The following RCOR3 variants were observed in gnomAD, a reference collection of about 807,000 sequenced individuals.
RCOR3 encodes REST corepressor 3.
In RCOR3, 13 loss-of-function variants were observed where a neutral mutation model predicts 64.1. That is an observed-to-expected ratio of 0.20 (90% CI 0.13 to 0.32). The LOEUF (loss-of-function observed/expected upper bound fraction) is 0.32. Ranked by LOEUF, RCOR3 falls within the 10% of genes least tolerant of loss-of-function variation. The pLI is 1.00. For missense variants in RCOR3, 489 were observed against 701.2 expected, an observed-to-expected ratio of 0.70 and a Z score of 3.42; for synonymous variants, 215 against 239.0, an observed-to-expected ratio of 0.90 and a Z score of 0.93.
chr1:211,299,204 A>G (rs1249357798), intron 9 of RCOR3, among the ~76,000 whole-genome samples: 1 of 152,218 alleles, frequency 6.6e-6, no homozygotes, highest in Admixed American at 6.5e-5. Context: ...GTAAGTCGTC[A>G]ATGATAAAGG....
intron 7 of RCOR3, among the ~76,000 whole-genome samples, chr1:211,279,567 C>T (rs1278130868): frequency 6.6e-6 from 1 of 152,284 alleles, no homozygotes; most frequent in East Asian, 1.9e-4. Context: ...TGACCTCATT[C>T]AGTTTAGTGA....
intron 10 of RCOR3, among the ~76,000 whole-genome samples, chr1:211,307,844 T>A (rs1371147723): frequency 6.6e-6 from 1 of 151,660 alleles, no homozygotes; most frequent in East Asian, 1.9e-4. Context: ...ATTTTTTATA[T>A]TTAGTTATTT....
intron 2 of RCOR3, among the ~76,000 whole-genome samples, chr1:211,267,111 C>T (rs377296882): frequency 1.3e-5 from 2 of 152,150 alleles, no homozygotes; most frequent in South Asian, 4.1e-4. Context: ...TTAGGTAATG[C>T]TTACCATATG....
chr1:211,293,819 C>A (rs183973907), intron 8 of RCOR3, among the ~76,000 whole-genome samples: 1 of 152,138 alleles, frequency 6.6e-6, no homozygotes, highest in African/African-American at 2.4e-5. Context: ...GAAAATAGTT[C>A]ATAAATTATA....
In RCOR3 at chr1:211,308,660, T is replaced by C. The variant is rs375057501; in HGVS notation, c.1076-4060T>C. Among the ~76,000 whole-genome samples, 15 of 60,534 alleles carry C rather than the reference T, an allele frequency of 2.5e-4. 1 individual carries two copies. In the East Asian group the frequency reaches 6.6e-3, roughly 27 times the overall value. The allele number at this position is 60,534 out of a possible 152,430, so 39.7% of individuals were successfully genotyped here. A position where few individuals can be genotyped will look rare whatever the true frequency, so the allele number is the denominator to read the frequency against. Reference sequence around the variant, plus strand: ...CTTACCATGTTTCGTCTTTTGGATGTGTTTTTTTTTTTGTTTTTTTTTTGT... The same window carrying C: ...CTTACCATGTTTCGTCTTTTGGATGCGTTTTTTTTTTTGTTTTTTTTTTGT... On this transcript the variant is annotated intron_variant, in intron 10 of 11. Coordinates refer to ENST00000419091, the MANE Select transcript of RCOR3 (RefSeq NM_001136223.3).
At chr1:211,272,612 CTTTTTTTTTTTTTTTTTTTT>C (rs768152573) in intron 3 of RCOR3, among the ~76,000 whole-genome samples, 2 of 43,514 alleles carry the variant, frequency 4.6e-5, no homozygotes. Flanking sequence ...GGATGTCTTA[CTTTTTTTTTTTTTTTTTTTT>C]TTTTTTTGAG....
chr1:211,272,652 C>G (rs1377135885), intron 3 of RCOR3, among the ~76,000 whole-genome samples: 2 of 90,246 alleles, frequency 2.2e-5, no homozygotes, highest in African/African-American at 8.4e-5. Context: ...GACGGAGTCT[C>G]GCTCTGTCGC....
chr1:211,296,608 A>G (rs1039191610), intron 9 of RCOR3, among the ~76,000 whole-genome samples: 1 of 152,154 alleles, frequency 6.6e-6, no homozygotes, highest in Non-Finnish European at 1.5e-5. Flanking sequence ...ACCATATGCC[A>G]TCTTAGTCAT....
At chr1:211,298,931 C>T (rs895411404) in intron 9 of RCOR3, among the ~76,000 whole-genome samples, 8 of 151,744 alleles carry the variant, frequency 5.3e-5, no homozygotes, top group South Asian at 2.1e-4. Context: ...GGCGTGAACC[C>T]GGGAAGTGGA....
chr1:211,288,037 C>G (rs1287580032), intron 7 of RCOR3, among the ~76,000 whole-genome samples: 1 of 151,748 alleles, frequency 6.6e-6, no homozygotes, highest in African/African-American at 2.4e-5. Context: ...TGGTGAGACT[C>G]CCGTCTCTAC....
At chr1:211,302,732 G>A (rs1700505508) in intron 9 of RCOR3, 1 of 152,024 alleles carries the variant, frequency 6.6e-6, no homozygotes, top group South Asian at 2.1e-4. Context: ...TTATCCTTGG[G>A]TACCAAGGGC....
chr1:211,310,655 A>G (rs1478077225), intron 10 of RCOR3, among the ~76,000 whole-genome samples: 1 of 152,230 alleles, frequency 6.6e-6, no homozygotes, highest in Non-Finnish European at 1.5e-5. Flanking sequence ...GAACAAGGGA[A>G]AATTAAGAAG....
chr1:211,259,625 C>G lies in RCOR3; in HGVS notation c.65C>G (p.Ala22Gly). The stretch of plus-strand genomic sequence containing the variant: ...AAGAACCGATCGGCCAACGGCAGCG[C>G]CAAGAGCCCGGCAGGCGGCGGCGGC... ...LGKNRSANGS[A>G]KSPAGGGGSG... The change falls in exon 1 of 12, where the codon GCC (alanine) becomes GGC (glycine). Residue 22 changes from alanine to glycine, a missense_variant. This residue lies in a region of RCOR3 where 87 missense variants were observed against 84.3 expected (regional missense o/e 1.03). Transcript: ENST00000419091. The G allele has an allele frequency of 6.5e-7, 1 of 1,548,138 alleles. No homozygotes were observed. Among genetic ancestry groups the G allele is most frequent in the South Asian group, 1.2e-5 (1 of 84,000 alleles).
At position 211,278,226 on chromosome 1, in the gene RCOR3, A is replaced by G. The variant is rs747899295; in HGVS notation, c.626A>G (p.His209Arg). 2.3e-5 allele frequency: 37 copies of G among 1,613,708 alleles called. No homozygotes were observed. The African/African-American group carries it at 3.5e-4, about 15-fold the overall frequency. ...DRQARKLANRHNQGDSDDDVE... is the reference protein window; with the variant it reads ...DRQARKLANRRNQGDSDDDVE... ...CAGGCTCGTAAACTAGCTAATAGACATAATCAGGGTGACAGGTAGGTTGGT... is the reference window on the plus strand; with the variant it reads ...CAGGCTCGTAAACTAGCTAATAGACGTAATCAGGGTGACAGGTAGGTTGGT... The change falls in exon 6 of 12, where the codon CAT (histidine) becomes CGT (arginine). Residue 209 changes from histidine to arginine, a missense_variant. His to Arg is a conservative substitution (Grantham distance 29). This residue lies in a region of RCOR3 where 402 missense variants were observed against 617.0 expected (regional missense o/e 0.65). Coordinates refer to ENST00000419091, the MANE Select transcript of RCOR3 (RefSeq NM_001136223.3).
intron 10 of RCOR3, among the ~76,000 whole-genome samples, chr1:211,311,658 C>T (rs1701498443): frequency 6.6e-6 from 1 of 152,028 alleles, no homozygotes; most frequent in African/African-American, 2.4e-5. Context: ...TTTAAGCCCC[C>T]ATATTTTTGT....
At chr1:211,263,041 G>A (rs1694626390) in intron 2 of RCOR3, among the ~76,000 whole-genome samples, 2 of 103,668 alleles carry the variant, frequency 1.9e-5, no homozygotes, top group Admixed American at 3.0e-4. Context: ...CCCCACAACA[G>A]TCCCCAGAGT....
intron 2 of RCOR3, among the ~76,000 whole-genome samples, chr1:211,263,556 T>C (rs1229180105): frequency 2.0e-5 from 3 of 152,220 alleles, no homozygotes; most frequent in Non-Finnish European, 2.9e-5. Context: ...AGGACACAAT[T>C]AAAACTAGCT....
intron 9 of RCOR3, chr1:211,302,988 C>T (rs938667001): frequency 2.6e-5 from 4 of 151,476 alleles, no homozygotes; most frequent in African/African-American, 7.3e-5. Context: ...TTCTTTATGT[C>T]TCTCATAGTT....
chr1:211,259,645 G>T lies in RCOR3; in HGVS notation c.85G>T (p.Gly29Cys). The T allele has an allele frequency of 6.5e-7, 1 of 1,547,258 alleles. No homozygotes were observed. The highest frequency in any genetic ancestry group is 2.5e-5 in the East Asian group (1 of 40,580). Reference protein sequence around the residue: ...NGSAKSPAGGGGSGASSTNGG... With the variant: ...NGSAKSPAGGCGSGASSTNGG... ...CAGCGCCAAGAGCCCGGCAGGCGGCGGCGGCAGCGGCGCCTCGTCCACCAA... is the reference window on the plus strand; with the variant it reads ...CAGCGCCAAGAGCCCGGCAGGCGGCTGCGGCAGCGGCGCCTCGTCCACCAA... Residue 29 changes from glycine to cysteine, a missense_variant, in exon 1 of 12, where the codon GGC (glycine) becomes TGC (cysteine). Physicochemically the swap from Gly to Cys is radical, Grantham distance 159 (BLOSUM62 -3). This residue lies in a region of RCOR3 where 87 missense variants were observed against 84.3 expected (regional missense o/e 1.03). Coordinates refer to ENST00000419091, the MANE Select transcript of RCOR3 (RefSeq NM_001136223.3).
Sources: gnomAD v4.1 joint callset for allele counts (sites outside exome capture counted in the v4.1 genomes callset) on GRCh38, gnomAD v4.1.1 for gene constraint, gnomAD v4.1.1 regional missense constraint, MANE v1.5 for transcripts, NCBI Gene and HGNC (gene_info 2026-07-23, HGNC 2026-07-21) for gene names.